Variants in PCCA observed in about 807,000 individuals in gnomAD.
The protein encoded by PCCA is propionyl-CoA carboxylase alpha chain, mitochondrial.
Under a neutral mutation model 101.3 loss-of-function variants are expected in PCCA, and 74 were observed. The observed-to-expected ratio is 0.73, with a 90% confidence interval of 0.61 to 0.89. PCCA has a LOEUF of 0.89. Among genes scored for constraint, PCCA ranks in the 40% least tolerant of loss-of-function variants. The pLI is 0.00. For synonymous variants in PCCA, 294 were observed against 313.6 expected (o/e 0.94, Z 0.66); for missense variants, 891 against 907.0 (o/e 0.98, Z 0.23).
At chr13:100,284,622 C>T (rs146016394) in intron 12 of PCCA, among the ~76,000 whole-genome samples, 49 of 152,340 alleles carry the variant, frequency 3.2e-4, no homozygotes, top group African/African-American at 6.5e-4. Flanking sequence ...TTAGACTCAT[C>T]AATGAGGCAG....
At chr13:100,397,491 G>GA (rs140791854) in intron 19 of PCCA, among the ~76,000 whole-genome samples, 1 of 151,922 alleles carries the variant, frequency 6.6e-6, no homozygotes, top group Non-Finnish European at 1.5e-5. Flanking sequence ...TATAGTTGGG[G>GA]AAAAAAACCC....
At chr13:100,322,530 A>G (rs2068175822) in intron 16 of PCCA, among the ~76,000 whole-genome samples, 1 of 151,786 alleles carries the variant, frequency 6.6e-6, no homozygotes, top group Non-Finnish European at 1.5e-5. Context: ...TCATTAGGTA[A>G]ACTATTCAGT....
intron 6 of PCCA, among the ~76,000 whole-genome samples, chr13:100,172,403 AATTG>A (rs1294357965): frequency 4.6e-5 from 7 of 152,114 alleles, no homozygotes; most frequent in African/African-American, 1.7e-4. Flanking sequence ...AAAGATCATA[AATTG>A]ATTTTTAAAA....
intron 2 of PCCA, among the ~76,000 whole-genome samples, chr13:100,110,793 T>A (rs757599473): frequency 6.6e-6 from 1 of 151,888 alleles, no homozygotes; most frequent in Admixed American, 6.6e-5. Flanking sequence ...TTGGCCAAAG[T>A]GTTTTTTTTG....
chr13:100,355,935 A>G (rs2073916568), intron 18 of PCCA, among the ~76,000 whole-genome samples: 1 of 152,200 alleles, frequency 6.6e-6, no homozygotes, highest in Non-Finnish European at 1.5e-5. Flanking sequence ...GATCAATGGA[A>G]TAGAATCGAG....
chr13:100,312,550 A>G (rs2067006428), intron 16 of PCCA, among the ~76,000 whole-genome samples: 1 of 152,228 alleles, frequency 6.6e-6, no homozygotes, highest in Non-Finnish European at 1.5e-5. Flanking sequence ...ATAAAAGTGC[A>G]TACCCTCTGA....
chr13:100,089,562 T>G (rs2046087455), intron 1 of PCCA, among the ~76,000 whole-genome samples: 2 of 152,236 alleles, frequency 1.3e-5, no homozygotes, highest in Admixed American at 1.3e-4. Flanking sequence ...GCATTGGCTT[T>G]GTCTTAAGCT....
intron 2 of PCCA, chr13:100,104,437 C>T (rs1429499214): frequency 6.6e-6 from 1 of 152,088 alleles, no homozygotes; most frequent in Admixed American, 6.6e-5. Context: ...CCATGTTTTT[C>T]TCATGACAGT....
chr13:100,210,541 T>C (rs145414100), intron 7 of PCCA, among the ~76,000 whole-genome samples: 39 of 152,344 alleles, frequency 2.6e-4, no homozygotes, highest in Non-Finnish European at 5.1e-4. Flanking sequence ...GAAAGTGGTA[T>C]AGCTATAGGT....
At chr13:100,412,803 C>T (rs997133977) in intron 19 of PCCA, among the ~76,000 whole-genome samples, 1 of 151,844 alleles carries the variant, frequency 6.6e-6, no homozygotes, top group East Asian at 1.9e-4. Flanking sequence ...CTTTACCTAT[C>T]AAAGAAATTG....
chr13:100,500,213 T>A (rs896057300), intron 21 of PCCA, among the ~76,000 whole-genome samples: 13 of 152,172 alleles, frequency 8.5e-5, no homozygotes, highest in Non-Finnish European at 1.6e-4. Context: ...AAGATTGTAG[T>A]ACGGTTGAAA....
intron 19 of PCCA, among the ~76,000 whole-genome samples, chr13:100,410,653 T>C (rs978984844): frequency 2.0e-5 from 3 of 152,244 alleles, no homozygotes; most frequent in Non-Finnish European, 2.9e-5. Flanking sequence ...TGAAGTATTT[T>C]ATAGCACGTA....
At chr13:100,099,876 A>G (rs1474991975) in intron 1 of PCCA, among the ~76,000 whole-genome samples, 2 of 152,102 alleles carry the variant, frequency 1.3e-5, no homozygotes, top group Non-Finnish European at 2.9e-5. Flanking sequence ...AAATGAAGAA[A>G]CTTTCTATAT....
chr13:100,409,187 G>A (rs2077871306), intron 19 of PCCA, among the ~76,000 whole-genome samples: 1 of 152,158 alleles, frequency 6.6e-6, no homozygotes, highest in African/African-American at 2.4e-5. Context: ...ACCCCTGGGA[G>A]CAGCAGGCGG....
chr13:100,210,472 T>C (rs934544080), intron 7 of PCCA, among the ~76,000 whole-genome samples: 1 of 152,226 alleles, frequency 6.6e-6, no homozygotes, highest in Admixed American at 6.5e-5. Context: ...TCTCTGTATA[T>C]CTTTATCTTG....
At chr13:100,403,501 G>A (rs926802749) in intron 19 of PCCA, among the ~76,000 whole-genome samples, 1 of 152,150 alleles carries the variant, frequency 6.6e-6, no homozygotes, top group African/African-American at 2.4e-5. Flanking sequence ...GCATCACATG[G>A]TGAGAACCAC....
intron 19 of PCCA, among the ~76,000 whole-genome samples, chr13:100,373,335 G>A (rs745846703): frequency 1.3e-5 from 2 of 152,172 alleles, no homozygotes; most frequent in Non-Finnish European, 2.9e-5. Flanking sequence ...CAGTTGGTAG[G>A]AATATAAAAT....
At chr13:100,230,260 C>T (rs979253083) in intron 7 of PCCA, among the ~76,000 whole-genome samples, 2 of 151,966 alleles carry the variant, frequency 1.3e-5, no homozygotes, top group African/African-American at 4.8e-5. Flanking sequence ...AAGAAAGTGG[C>T]AGGCTGGGCG....
chr13:100,393,417 C>CTTTTT lies in PCCA; in HGVS notation c.1746+24858_1746+24862dup, dbSNP rs11459500. On this transcript the variant is annotated intron_variant, in intron 19 of 23. Coordinates refer to ENST00000376285, the MANE Select transcript of PCCA (RefSeq NM_000282.4). ...TGGCTTTTATTAACTACTGAAGAGT[C>CTTTTT]TTTTTTTTTTTTTTTTTTTGAGATG... Among the ~76,000 whole-genome samples the CTTTTT allele has an allele frequency of 4.4e-5, 5 of 113,674 alleles. 1 individual carries two copies. Among genetic ancestry groups the CTTTTT allele is most frequent in the East Asian group, 2.7e-4 (1 of 3,708 alleles). The allele number at this position is 113,674 out of a possible 152,430, so 74.6% of individuals were successfully genotyped here.
Sources: gnomAD v4.1 joint callset for allele counts (sites outside exome capture counted in the v4.1 genomes callset) on GRCh38, gnomAD v4.1.1 for gene constraint, MANE v1.5 for transcripts, NCBI Gene and HGNC (gene_info 2026-07-23, HGNC 2026-07-21) for gene names.